The following PARP8 variants were observed in gnomAD, a reference collection of about 807,000 sequenced individuals.
The protein encoded by PARP8 is poly(ADP-ribose) polymerase family member 8, also known as protein mono-ADP-ribosyltransferase PARP8.
A neutral mutation model predicts 124.1 loss-of-function variants in PARP8; 51 were observed. The ratio of observed to expected loss-of-function variants is 0.41; its 90% CI spans 0.33 to 0.52. The LOEUF (loss-of-function observed/expected upper bound fraction) is 0.52. Among genes scored for constraint, PARP8 ranks in the 20% least tolerant of loss-of-function variants. The pLI is 0.21. For missense variants in PARP8, 860 were observed against 1,018.9 expected (o/e 0.84, Z 2.12); for synonymous variants, 391 against 361.5 (o/e 1.08, Z -0.93).
chr5:50,746,664 A>T (rs1376296456), intron 2 of PARP8, among the ~76,000 whole-genome samples: 2 of 152,134 alleles, frequency 1.3e-5, no homozygotes, highest in Admixed American at 1.3e-4. Flanking sequence ...TACCTCTGAT[A>T]TATATATTTT....
chr5:50,667,626 C>T (rs892545332), intron 1 of PARP8: 8 of 698,984 alleles, frequency 1.1e-5, no homozygotes, highest in African/African-American at 8.8e-5. Context: ...GCGCCGAGGA[C>T]CCCCGGGGGG....
intron 2 of PARP8, among the ~76,000 whole-genome samples, chr5:50,742,563 G>A (rs1758157961): frequency 6.6e-6 from 1 of 152,198 alleles, no homozygotes. Flanking sequence ...AATGTGGAAA[G>A]AAAGCATTTT....
At chr5:50,804,815 G>A (rs1487074850) in intron 14 of PARP8, among the ~76,000 whole-genome samples, 2 of 152,074 alleles carry the variant, frequency 1.3e-5, no homozygotes, top group East Asian at 3.8e-4. Context: ...AAATAGCTCC[G>A]AGAACAGTTT....
chr5:50,694,908 G>A lies in PARP8; in HGVS notation c.146+26783G>A, dbSNP rs189269749. 1.3e-4 allele frequency among the ~76,000 whole-genome samples: 20 copies of A among 152,252 alleles called. No individual in the cohort carries two copies. In the East Asian group the frequency reaches 3.5e-3, roughly 26 times the overall value. On this transcript the variant is annotated intron_variant, in intron 2 of 25. Coordinates refer to ENST00000281631, the MANE Select transcript of PARP8 (RefSeq NM_024615.4). ...CAAGAGTCCAAAAGCTGAAGAACTC[G>A]GAGTGTAATGTTCTAGTCTGATGTT...
chr5:50,786,222 C>A (rs550534656), intron 9 of PARP8, among the ~76,000 whole-genome samples: 145 of 152,062 alleles, frequency 9.5e-4, no homozygotes, highest in African/African-American at 3.5e-3. Flanking sequence ...AGGTTTTGGT[C>A]CCATCATTTC....
intron 11 of PARP8, 30 bp downstream of exon 11, chr5:50,794,362 T>G: frequency 1.2e-6 from 2 of 1,608,774 alleles, no homozygotes; most frequent in Non-Finnish European, 8.5e-7. Context: ...GTCATTGTCT[T>G]ACTGAATGCT....
intron 2 of PARP8, 39 bp from the exon 3 acceptor site, chr5:50,750,112 G>C (rs543477495): frequency 1.4e-6 from 2 of 1,470,050 alleles, no homozygotes; most frequent in South Asian, 2.3e-5. Flanking sequence ...GTCTACCTTA[G>C]CAATAACTTG....
chr5:50,672,607 TACTAGGGCGTGATGAGG>T (rs1257244261), intron 2 of PARP8, among the ~76,000 whole-genome samples: 1 of 152,142 alleles, frequency 6.6e-6, no homozygotes, highest in East Asian at 1.9e-4. Context: ...ATATTTAAGA[TACTAGGGCGTGATGAGG>T]ACTGTGACAC....
At chr5:50,706,915 G>T (rs1340559496) in intron 2 of PARP8, among the ~76,000 whole-genome samples, 1 of 151,988 alleles carries the variant, frequency 6.6e-6, no homozygotes, top group Admixed American at 6.6e-5. Flanking sequence ...TATGATGCTA[G>T]CATACAGTGA....
At position 50,778,549 on chromosome 5, in the gene PARP8, T is replaced by A; in HGVS notation, c.580-11T>A. 6.3e-7 allele frequency: 1 copy of A among 1,581,950 alleles called. No individual in the cohort carries two copies. The highest frequency in any genetic ancestry group is 8.6e-7 in the Non-Finnish European group (1 of 1,162,356). On this transcript the variant is annotated splice_polypyrimidine_tract_variant and intron_variant, in intron 8 of 25. Transcript: ENST00000281631. Reference sequence around the variant, plus strand: ...AGATGATTAATTCATCTTTTAAATATATTTGTGCAGGAGGAGATTGCTGTG... The same window carrying A: ...AGATGATTAATTCATCTTTTAAATAAATTTGTGCAGGAGGAGATTGCTGTG...
chr5:50,821,759 A>C (rs1317729179), intron 16 of PARP8, among the ~76,000 whole-genome samples: 1 of 152,260 alleles, frequency 6.6e-6, no homozygotes, highest in African/African-American at 2.4e-5. Context: ...AAGTTGCCTC[A>C]GTTTCTATTA....
intron 2 of PARP8, among the ~76,000 whole-genome samples, chr5:50,727,958 C>T (rs1561295956): frequency 6.6e-6 from 1 of 152,160 alleles, no homozygotes. Context: ...TTCAAGGCCC[C>T]TGTCTATTTT....
chr5:50,773,469 A>C (rs1413852701), intron 7 of PARP8, among the ~76,000 whole-genome samples: 1 of 152,274 alleles, frequency 6.6e-6, no homozygotes, highest in East Asian at 1.9e-4. Flanking sequence ...TTTGTTGAAA[A>C]TCAGTTGGTT....
At chr5:50,735,092 C>T (rs972088314) in intron 2 of PARP8, among the ~76,000 whole-genome samples, 3 of 151,948 alleles carry the variant, frequency 2.0e-5, no homozygotes, top group African/African-American at 7.2e-5. Context: ...TTGATGCTTG[C>T]TTCTCTTGTG....
rs1742669991 is a variant in PARP8, at chr5:50,797,310, G to A, written c.1575+77G>A. 5 of 1,068,424 alleles carry A rather than the reference G, an allele frequency of 4.7e-6. No homozygotes were observed. The South Asian group carries it at 8.7e-5, about 19-fold the overall frequency. The allele number at this position is 1,068,424 out of a possible 1,614,324, so 66.2% of individuals were successfully genotyped here. A position where few individuals can be genotyped will look rare whatever the true frequency, so the allele number is the denominator to read the frequency against. On this transcript the variant is annotated intron_variant, in intron 14 of 25. Transcript: ENST00000281631. ...GAAAAGATTTGAAATATAAAAATAAGTAAATAAATGCAGTTGAAAGCAAAT... is the reference window on the plus strand; with the variant it reads ...GAAAAGATTTGAAATATAAAAATAAATAAATAAATGCAGTTGAAAGCAAAT...
At chr5:50,832,738 A>G in intron 22 of PARP8, 43 bp from the exon 23 acceptor site, 1 of 1,593,568 alleles carries the variant, frequency 6.3e-7, no homozygotes, top group South Asian at 1.1e-5. Context: ...CAGCTGCATC[A>G]GACAGCTTTG....
At chr5:50,773,892 A>T (rs1255291874) in intron 7 of PARP8, among the ~76,000 whole-genome samples, 3 of 127,148 alleles carry the variant, frequency 2.4e-5, no homozygotes, top group African/African-American at 3.1e-5. Context: ...GGAGAGGGGG[A>T]TGTGGCAGGG....
At chr5:50,772,285 C>G (rs1761703242) in intron 7 of PARP8, among the ~76,000 whole-genome samples, 1 of 152,184 alleles carries the variant, frequency 6.6e-6, no homozygotes, top group South Asian at 2.1e-4. Context: ...TGCATCTTGG[C>G]TGTTGTGAAT....
intron 3 of PARP8, among the ~76,000 whole-genome samples, chr5:50,759,050 A>G (rs573145252): frequency 6.6e-6 from 1 of 152,200 alleles, no homozygotes; most frequent in South Asian, 2.1e-4. Flanking sequence ...TTCAGCTCAA[A>G]TTTTTGAATG....
Sources: allele counts gnomAD v4.1 joint callset (sites outside exome capture counted in the v4.1 genomes callset), GRCh38; gene constraint gnomAD v4.1.1; transcripts MANE v1.5; gene names NCBI Gene and HGNC (gene_info 2026-07-23, HGNC 2026-07-21).